ANKRD17: variants seen among roughly 807,000 people sequenced by gnomAD.
ANKRD17 encodes the protein ankyrin repeat domain-containing protein 17.
Under a neutral mutation model 229.7 loss-of-function variants are expected in ANKRD17, and 19 were observed. The ratio of observed to expected loss-of-function variants is 0.08; its 90% confidence interval spans 0.06 to 0.12. The LOEUF is 0.12. Ranked by LOEUF, ANKRD17 falls within the 10% of genes least tolerant of loss-of-function variation. The pLI, the probability that ANKRD17 is intolerant of heterozygous loss-of-function variation, is 1.00. For missense variants in ANKRD17, 2,176 were observed against 3,176.8 expected (o/e 0.68, Z 7.57); for synonymous variants, 1,112 against 1,146.1 (o/e 0.97, Z 0.60).
At chr4:73,151,153 G>T (rs1324014698) in intron 7 of ANKRD17, among the ~76,000 whole-genome samples, 1 of 152,042 alleles carries the variant, frequency 6.6e-6, no homozygotes, top group East Asian at 1.9e-4. Context: ...CGAGATTACA[G>T]TCATAAGCCA....
At chr4:73,133,782 G>T (rs1345749825) in intron 16 of ANKRD17, among the ~76,000 whole-genome samples, 2 of 152,138 alleles carry the variant, frequency 1.3e-5, no homozygotes, top group African/African-American at 4.8e-5. Flanking sequence ...CAGCTACTCA[G>T]GAGGCTGAGA....
intron 31 of ANKRD17, among the ~76,000 whole-genome samples, 193 bp from the exon 32 acceptor site, chr4:73,077,726 T>G (rs1238735488): frequency 6.7e-6 from 1 of 150,150 alleles, no homozygotes; most frequent in Non-Finnish European, 1.5e-5. Context: ...ATCTAAAAAC[T>G]TGGTGTTATA....
In ANKRD17 at chr4:73,086,946, ATATATATC is replaced by A. The variant is rs1233341710; in HGVS notation, c.6962-1508_6962-1501del. Among the ~76,000 whole-genome samples, 6 of 90,482 alleles carry A rather than the reference ATATATATC, an allele frequency of 6.6e-5. No individual in the cohort carries two copies. The Admixed American group carries it at 7.8e-4, about 12-fold the overall frequency. 59.4% of individuals were successfully genotyped at this position (90,482 alleles called of 152,430 possible). ...TATATATATATATATATATATATAT[ATATATATC>A]TGTAGGATTTTAAATAGGTTTAAGG... On this transcript the variant is annotated intron_variant, in intron 29 of 33. Transcript: ENST00000358602.
intron 1 of ANKRD17, among the ~76,000 whole-genome samples, chr4:73,190,546 C>T (rs943730345): frequency 3.0e-4 from 44 of 144,422 alleles, no homozygotes; most frequent in African/African-American, 1.1e-3. Context: ...CAAATGTCCT[C>T]CAAAAAAAAA....
chr4:73,148,709 A>AGT (rs1730617891), intron 8 of ANKRD17, 104 bp downstream of exon 8: 1 of 1,039,264 alleles, frequency 9.6e-7, no homozygotes, highest in Admixed American at 2.1e-5. Flanking sequence ...GTAATAGCTC[A>AGT]TTGCAACTCT....
At chr4:73,149,665 G>C (rs1461190954) in intron 7 of ANKRD17, among the ~76,000 whole-genome samples, 1 of 152,040 alleles carries the variant, frequency 6.6e-6, no homozygotes, top group African/African-American at 2.4e-5. Context: ...CCAGGAGTTT[G>C]AGCCAGGCCT....
intron 10 of ANKRD17, among the ~76,000 whole-genome samples, chr4:73,146,343 T>C (rs945144575): frequency 6.6e-6 from 1 of 152,168 alleles, no homozygotes; most frequent in Non-Finnish European, 1.5e-5. Context: ...GGGAAAAGTT[T>C]ATTATTTATG....
rs772954667 is a variant in ANKRD17 at position 73,092,018 on chromosome 4, C to G, written c.5610G>C (p.Val1870=). ...CTGGAAAACCAGGCCTCACATTATTCACTGGGTTCTTAATGGTTTTGTGAG... is the reference window on the plus strand; with the variant it reads ...CTGGAAAACCAGGCCTCACATTATTGACTGGGTTCTTAATGGTTTTGTGAG... ...ASTHKTIKNP[V]NNVRPGFPVS... is the part of the protein sequence containing the mutation. Residue 1870 remains valine, a synonymous_variant, in exon 29 of 34, where the codon GTG becomes GTC. Transcript: ENST00000358602. 2 of 1,614,208 alleles carry G rather than the reference C, an allele frequency of 1.2e-6. No homozygotes were observed. Among genetic ancestry groups the G allele is most frequent in the South Asian group, 1.1e-5 (1 of 91,084 alleles).
intron 2 of ANKRD17, among the ~76,000 whole-genome samples, chr4:73,168,244 A>G (rs1733500842): frequency 6.6e-6 from 1 of 152,246 alleles, no homozygotes; most frequent in Non-Finnish European, 1.5e-5. Context: ...GCTATAATAA[A>G]GTAGCAGTTT....
intron 30 of ANKRD17, among the ~76,000 whole-genome samples, chr4:73,084,467 G>C (rs866708190): frequency 1.2e-5 from 1 of 82,898 alleles, no homozygotes; most frequent in Non-Finnish European, 2.6e-5. Context: ...TTTTTTTTTT[G>C]AGATGAAGTC....
At chr4:73,123,000 C>G (rs1726959649) in intron 18 of ANKRD17, among the ~76,000 whole-genome samples, 1 of 151,944 alleles carries the variant, frequency 6.6e-6, no homozygotes, top group South Asian at 2.1e-4. Context: ...AAAATACTTA[C>G]CTCTTCTATT....
chr4:73,104,117 T>TA (rs746705736), intron 24 of ANKRD17: 9 of 152,190 alleles, frequency 5.9e-5, no homozygotes, highest in Non-Finnish European at 1.0e-4. Context: ...AGAATGCATC[T>TA]AAAAGCTAAA....
intron 2 of ANKRD17, among the ~76,000 whole-genome samples, chr4:73,175,318 C>G (rs1734585448): frequency 6.6e-6 from 1 of 152,136 alleles, no homozygotes. Flanking sequence ...TTCACTATTA[C>G]AAGAACAGCA....
At chr4:73,203,076 T>C (rs759758836) in intron 1 of ANKRD17, among the ~76,000 whole-genome samples, 2 of 152,212 alleles carry the variant, frequency 1.3e-5, no homozygotes, top group Admixed American at 6.5e-5. Flanking sequence ...AACATCAAGA[T>C]AGCAGTAGAA....
chr4:73,228,684 T>C (rs1742750639), intron 1 of ANKRD17, among the ~76,000 whole-genome samples: 1 of 152,232 alleles, frequency 6.6e-6, no homozygotes, highest in Admixed American at 6.5e-5. Flanking sequence ...GATTAGTACA[T>C]AAATATTTAT....
In ANKRD17 at chr4:73,098,501, T is replaced by G; in HGVS notation, c.4593A>C (p.Thr1531=). ...TAGTGGTTGTGGCACTTGGAGGTTCTGTCAAGACTTCAGGCTCATCTGTAA... is the reference window on the plus strand; with the variant it reads ...TAGTGGTTGTGGCACTTGGAGGTTCGGTCAAGACTTCAGGCTCATCTGTAA... The part of the protein sequence containing the change: ...LKVEDEPEVL[T]EPPSATTTTT... The change falls in exon 26 of 34, where the codon ACA becomes ACC. Residue 1531 remains threonine (T), a synonymous_variant. Coordinates refer to ENST00000358602, the MANE Select transcript of ANKRD17 (RefSeq NM_032217.5). The G allele has an allele frequency of 6.2e-7, 1 of 1,612,836 alleles. No homozygotes were observed. Among genetic ancestry groups the G allele is most frequent in the Non-Finnish European group, 8.5e-7 (1 of 1,179,646 alleles).
At chr4:73,152,924 A>C (rs1269240708) in intron 6 of ANKRD17, among the ~76,000 whole-genome samples, 1 of 152,216 alleles carries the variant, frequency 6.6e-6, no homozygotes. Flanking sequence ...CATATTTTTC[A>C]AATTTAAGTT....
In ANKRD17 at chr4:73,196,010, T is replaced by C. The variant is rs570819121; in HGVS notation, c.394-18477A>G. 2.4e-3 allele frequency among the ~76,000 whole-genome samples: 349 copies of C among 147,980 alleles called. 3 individuals are homozygous for C. The highest frequency in any genetic ancestry group is 8.0e-3 in the African/African-American group (323 of 40,286). ...CTTTCGAAGAACCATGTTTCTTTTT[T>C]TTTTTTTTTTTTTTGAGATGGAGTC... On this transcript the variant is annotated intron_variant, in intron 1 of 33. Coordinates refer to ENST00000358602, the MANE Select transcript of ANKRD17 (RefSeq NM_032217.5).
intron 2 of ANKRD17, among the ~76,000 whole-genome samples, chr4:73,175,330 G>A (rs1017991769): frequency 6.6e-6 from 1 of 152,108 alleles, no homozygotes; most frequent in African/African-American, 2.4e-5. Flanking sequence ...AGAACAGCAT[G>A]GGGGAAACTG....
Sources: allele counts gnomAD v4.1 joint callset (sites outside exome capture counted in the v4.1 genomes callset), GRCh38; gene constraint gnomAD v4.1.1; transcripts MANE v1.5; gene names NCBI Gene and HGNC (gene_info 2026-07-23, HGNC 2026-07-21).